Variants in DCC observed in about 807,000 individuals in gnomAD.
DCC encodes the protein DCC netrin 1 receptor.
In DCC, 58 loss-of-function variants were observed where a neutral mutation model predicts 172.5. The ratio of observed to expected loss-of-function variants is 0.34; its 90% CI spans 0.27 to 0.42. The LOEUF is 0.42. Ranked by LOEUF, DCC falls within the 10% of genes least tolerant of loss-of-function variation. DCC has a pLI of 1.00. For missense variants in DCC, 1,740 were observed against 1,791.0 expected (o/e 0.97, Z 0.51); for synonymous variants, 709 against 644.5 (o/e 1.10, Z -1.52).
chr18:53,093,921 C>T (rs1301519942), intron 7 of DCC, among the ~76,000 whole-genome samples: 1 of 152,112 alleles, frequency 6.6e-6, no homozygotes, highest in Non-Finnish European at 1.5e-5. Context: ...ACTCCTGTTT[C>T]CTGGCTGTTT....
Position 53,047,656 on chromosome 18 carries a change from CA to C in DCC, c.986-15646del, listed in dbSNP as rs2042275107. The stretch of plus-strand genomic sequence containing the variant: ...CATATTGCTTTTTTTCAGCTCATCA[CA>C]AAGCCTATAGAGATAGGAACCTATT... On this transcript the variant is annotated intron_variant, in intron 5 of 28. Coordinates refer to ENST00000442544, the MANE Select transcript of DCC (RefSeq NM_005215.4). Among the ~76,000 whole-genome samples, 3 of 150,848 alleles carry C rather than the reference CA, an allele frequency of 2.0e-5. No individual in the cohort carries two copies. In the South Asian group the frequency reaches 6.3e-4, roughly 32 times the overall value.
intron 15 of DCC, among the ~76,000 whole-genome samples, chr18:53,362,852 G>A (rs1237249100): frequency 6.6e-6 from 1 of 152,054 alleles, no homozygotes; most frequent in Non-Finnish European, 1.5e-5. Flanking sequence ...CTACACCTAG[G>A]AAACACACTT....
At chr18:53,227,272 T>G (rs2056048793) in intron 12 of DCC, among the ~76,000 whole-genome samples, 1 of 152,034 alleles carries the variant, frequency 6.6e-6, no homozygotes, top group South Asian at 2.1e-4. Flanking sequence ...AAGATATAAC[T>G]TCTTTAGATA....
intron 15 of DCC, among the ~76,000 whole-genome samples, chr18:53,377,241 C>T (rs931929681): frequency 1.3e-5 from 2 of 152,118 alleles, no homozygotes; most frequent in African/African-American, 4.8e-5. Flanking sequence ...ATTTATTTCT[C>T]ACAATTCTAG....
At chr18:53,058,465 A>G (rs530836275) in intron 5 of DCC, among the ~76,000 whole-genome samples, 16 of 152,256 alleles carry the variant, frequency 1.1e-4, no homozygotes, top group Admixed American at 2.0e-4. Context: ...CTTTAATTAG[A>G]GATGACTTTA....
chr18:52,606,500 A>G (rs1422600881), intron 1 of DCC, among the ~76,000 whole-genome samples: 1 of 152,160 alleles, frequency 6.6e-6, no homozygotes, highest in African/African-American at 2.4e-5. Flanking sequence ...TAATTACTTG[A>G]CAATCTAGTT....
chr18:53,453,543 C>T (rs530921229), intron 23 of DCC, among the ~76,000 whole-genome samples: 1 of 112,978 alleles, frequency 8.9e-6, no homozygotes, highest in African/African-American at 2.8e-5. Context: ...ATATCTTATT[C>T]AGGTTAAGTG....
At chr18:53,053,124 C>T (rs760477319) in intron 5 of DCC, among the ~76,000 whole-genome samples, 9 of 152,182 alleles carry the variant, frequency 5.9e-5, no homozygotes, top group Non-Finnish European at 8.8e-5. Context: ...GCCTGGGCAA[C>T]AGAGCAAGAC....
chr18:53,496,380 G>A (rs1299628774), intron 26 of DCC, among the ~76,000 whole-genome samples: 1 of 152,136 alleles, frequency 6.6e-6, no homozygotes, highest in Non-Finnish European at 1.5e-5. Context: ...TTGTTAGAAG[G>A]AAAACTAACA....
chr18:52,957,895 CAAGG>C (rs561894359), intron 5 of DCC, among the ~76,000 whole-genome samples: 2 of 152,168 alleles, frequency 1.3e-5, no homozygotes, highest in South Asian at 2.1e-4. Flanking sequence ...TAGTTATTAT[CAAGG>C]AAGTAATATG....
intron 15 of DCC, among the ~76,000 whole-genome samples, chr18:53,351,337 G>GGGTA (rs2057797199): frequency 8.6e-5 from 1 of 11,644 alleles, no homozygotes; most frequent in Non-Finnish European, 1.9e-4. Context: ...TATATACAGT[G>GGGTA]TATATATATA....
chr18:52,709,366 A>G (rs35628173), intron 1 of DCC, among the ~76,000 whole-genome samples: 18,117 of 152,246 alleles, frequency 0.12, 1,641 homozygotes, highest in African/African-American at 0.24. Context: ...TGAAAACGTT[A>G]TATTAAAAAT....
Position 52,615,570 on chromosome 18 carries a change from G to A in DCC, c.92-136484G>A, listed in dbSNP as rs577905221. On this transcript the variant is annotated intron_variant, in intron 1 of 28. Coordinates refer to ENST00000442544, the MANE Select transcript of DCC (RefSeq NM_005215.4). ...GTCTTGATCTTTTTGTACAAGCCAG[G>A]GTCACATTCCATTCCATTTGTTATC... is the stretch of plus-strand genomic sequence containing the variant. Among the ~76,000 whole-genome samples, 12 of 152,130 alleles carry A rather than the reference G, an allele frequency of 7.9e-5. No homozygotes were observed. The South Asian group carries it at 2.5e-3, about 32-fold the overall frequency.
intron 1 of DCC, among the ~76,000 whole-genome samples, chr18:52,463,170 AG>A (rs1326756401): frequency 2.0e-5 from 3 of 152,176 alleles, no homozygotes; most frequent in African/African-American, 7.2e-5. Context: ...CTCACAACCC[AG>A]GAACAAAAGT....
chr18:53,260,934 T>C (rs2056589938), intron 12 of DCC, among the ~76,000 whole-genome samples: 1 of 152,072 alleles, frequency 6.6e-6, no homozygotes, highest in African/African-American at 2.4e-5. Flanking sequence ...CGCTGCCACC[T>C]TGCAGTTTGA....
intron 7 of DCC, among the ~76,000 whole-genome samples, chr18:53,086,351 TC>T (rs2042900617): frequency 2.7e-5 from 1 of 37,610 alleles, no homozygotes; most frequent in Non-Finnish European, 4.7e-5. Context: ...TTCTTCTTCT[TC>T]CTTTCTTCTT....
intron 2 of DCC, among the ~76,000 whole-genome samples, chr18:52,820,364 C>T (rs933317862): frequency 1.4e-4 from 21 of 152,036 alleles, no homozygotes; most frequent in African/African-American, 5.1e-4. Context: ...ATAAAAGCAC[C>T]CCCAAACACG....
intron 7 of DCC, among the ~76,000 whole-genome samples, chr18:53,083,404 G>A (rs560701856): frequency 1.1e-4 from 17 of 152,270 alleles, no homozygotes; most frequent in African/African-American, 2.6e-4. Flanking sequence ...AATATTAAAA[G>A]TGCACACTGT....
intron 15 of DCC, among the ~76,000 whole-genome samples, chr18:53,346,516 G>A (rs1470968779): frequency 1.3e-5 from 2 of 151,950 alleles, no homozygotes; most frequent in African/African-American, 4.8e-5. Context: ...GATTTATCCT[G>A]TTCTATTATC....
Sources: gnomAD v4.1 joint callset for allele counts (sites outside exome capture counted in the v4.1 genomes callset) on GRCh38, gnomAD v4.1.1 for gene constraint, MANE v1.5 for transcripts, NCBI Gene and HGNC (gene_info 2026-07-23, HGNC 2026-07-21) for gene names.